The following PDXDC1 variants were observed in gnomAD, a reference collection of about 807,000 sequenced individuals.
PDXDC1 encodes the protein pyridoxal-dependent decarboxylase domain-containing protein 1.
In PDXDC1, 42 loss-of-function variants were observed where a neutral mutation model predicts 100.1. That is an observed-to-expected ratio of 0.42 (90% CI 0.33 to 0.54). The LOEUF is 0.54. Among genes scored for constraint, PDXDC1 ranks in the 20% least tolerant of loss-of-function variants. PDXDC1 has a pLI of 0.10. For missense variants in PDXDC1, 636 were observed against 979.2 expected, an observed-to-expected ratio of 0.65 and a Z score of 4.68; for synonymous variants, 260 against 371.7, an observed-to-expected ratio of 0.70 and a Z score of 3.46.
chr16:15,140,095 CAAAAAA>C (rs372891971), downstream of PDXDC1, among the ~76,000 whole-genome samples: 4 of 43,838 alleles, frequency 9.1e-5, 1 homozygote, highest in East Asian at 1.6e-3. Flanking sequence ...GACTCCATCT[CAAAAAA>C]AAAAAAAAAA....
chr16:14,993,039 C>T (rs1221266808), intron 1 of PDXDC1, among the ~76,000 whole-genome samples: 3 of 152,218 alleles, frequency 2.0e-5, no homozygotes, highest in Admixed American at 1.3e-4. Context: ...ACTATGTTGC[C>T]CAAGCTGATC....
Position 15,036,657 on chromosome 16 carries a change from G to T in PDXDC1, c.*382G>T. 4.3e-6 allele frequency: 1 copy of T among 230,480 alleles called. No individual in the cohort carries two copies. The highest frequency in any genetic ancestry group is 8.6e-6 in the Non-Finnish European group (1 of 116,488). 14.3% of individuals were successfully genotyped at this position (230,480 alleles called of 1,614,324 possible). ...ACAGCTTTTCATTAGCACTCTCCAGGTTCTCTGCAACACTTCACAGAGGCG... is the reference window on the plus strand; with the variant it reads ...ACAGCTTTTCATTAGCACTCTCCAGTTTCTCTGCAACACTTCACAGAGGCG... On this transcript the variant is annotated 3_prime_UTR_variant, in exon 23 of 23. Coordinates refer to ENST00000396410, the MANE Select transcript of PDXDC1 (RefSeq NM_015027.4).
At chr16:15,091,094 C>A (rs533842401) in intron 16 of PDXDC1, among the ~76,000 whole-genome samples, 151 of 152,086 alleles carry the variant, frequency 9.9e-4, no homozygotes, top group Admixed American at 1.8e-3. Flanking sequence ...CCACTAGATG[C>A]CAGTAGCACC....
At chr16:15,016,293 T>C in intron 9 of PDXDC1, 80 bp downstream of exon 9, 1 of 1,558,802 alleles carries the variant, frequency 6.4e-7, no homozygotes, top group East Asian at 2.3e-5. Context: ...GGCTCTCACT[T>C]TGGTGACATT....
chr16:15,006,101 C>T (rs1334570012), intron 5 of PDXDC1, among the ~76,000 whole-genome samples: 3 of 152,294 alleles, frequency 2.0e-5, no homozygotes, highest in African/African-American at 7.2e-5. Context: ...TAAGCCAGAA[C>T]CATGATCTTC....
chr16:15,073,618 C>G (rs1256035878), intron 16 of PDXDC1, among the ~76,000 whole-genome samples: 2 of 152,204 alleles, frequency 1.3e-5, no homozygotes, highest in Non-Finnish European at 2.9e-5. Context: ...GCAAACCCTT[C>G]TGAAGAGCAA....
At chr16:15,011,889 C>G (rs2041329490) in intron 8 of PDXDC1, among the ~76,000 whole-genome samples, 1 of 152,276 alleles carries the variant, frequency 6.6e-6, no homozygotes, top group Admixed American at 6.5e-5. Flanking sequence ...GTCTCAAACT[C>G]CTGACCTCAG....
At chr16:15,130,636 C>A (rs1195877879) in intron 16 of PDXDC1, 3 of 1,346,526 alleles carry the variant, frequency 2.2e-6, no homozygotes, top group Non-Finnish European at 3.2e-6. Flanking sequence ...AGAGCTCACC[C>A]CGGGGAAATG....
chr16:15,077,213 AGGTGATCCACC>A (rs1476662584), intron 16 of PDXDC1, among the ~76,000 whole-genome samples: 1 of 151,914 alleles, frequency 6.6e-6, no homozygotes, highest in Non-Finnish European at 1.5e-5. Flanking sequence ...TCCTGACCTC[AGGTGATCCACC>A]GGCCTCAGCT....
intron 16 of PDXDC1, among the ~76,000 whole-genome samples, chr16:15,072,688 C>G (rs1000454839): frequency 1.3e-5 from 2 of 151,874 alleles, no homozygotes; most frequent in Non-Finnish European, 2.9e-5. Flanking sequence ...TCCCAGCTAT[C>G]GAGAGGGTAA....
At chr16:15,147,211 C>T in the PDXDC1 span, among the ~76,000 whole-genome samples, 1 of 151,994 alleles carries the variant, frequency 6.6e-6, no homozygotes, top group Non-Finnish European at 1.5e-5. Flanking sequence ...CACCTGGGTG[C>T]AGGGCCCCTC....
intron 1 of PDXDC1, among the ~76,000 whole-genome samples, chr16:14,984,490 TA>T (rs1416333266): frequency 4.6e-3 from 431 of 93,766 alleles, no homozygotes; most frequent in African/African-American, 0.013. Flanking sequence ...TATATATATA[TA>T]TATATTTTTT....
chr16:15,020,222 C>T (rs1198804714), intron 12 of PDXDC1, among the ~76,000 whole-genome samples: 1 of 152,028 alleles, frequency 6.6e-6, no homozygotes. Flanking sequence ...ATTTTCTTAC[C>T]TGTGAAATAT....
chr16:15,090,417 G>A (rs1345324201), intron 16 of PDXDC1, among the ~76,000 whole-genome samples: 1 of 152,094 alleles, frequency 6.6e-6, no homozygotes, highest in African/African-American at 2.4e-5. Context: ...TTAGCTCATT[G>A]AATCCTTGTT....
intron 16 of PDXDC1, among the ~76,000 whole-genome samples, chr16:15,062,518 T>C (rs1241555476): frequency 6.6e-6 from 1 of 152,230 alleles, no homozygotes; most frequent in East Asian, 1.9e-4. Flanking sequence ...TACTGGATTC[T>C]AACTTTCCTC....
chr16:15,127,879 C>T (rs1452814614), intron 16 of PDXDC1: 7 of 1,552,992 alleles, frequency 4.5e-6, no homozygotes, highest in South Asian at 1.2e-5. Context: ...GCGCCGGAAG[C>T]GCAACAGGGC....
chr16:15,063,716 A>AG (rs1306601716), intron 16 of PDXDC1, among the ~76,000 whole-genome samples: 5 of 151,026 alleles, frequency 3.3e-5, no homozygotes, highest in South Asian at 2.1e-4. Context: ...AAAAAAAAAA[A>AG]AAAAAAGAAA....
chr16:15,144,573 G>A, the PDXDC1 span, among the ~76,000 whole-genome samples: 5 of 152,254 alleles, frequency 3.3e-5, no homozygotes, highest in African/African-American at 7.2e-5. Context: ...TCTGGGTCCC[G>A]GACACGGGGT....
intron 6 of PDXDC1, among the ~76,000 whole-genome samples, chr16:15,008,251 A>G (rs374921434): frequency 0.016 from 2,454 of 151,616 alleles, 1 homozygote; most frequent in Non-Finnish European, 0.024. Context: ...TTGGAGGCTA[A>G]ACATGAAGAA....
Sources: gnomAD v4.1 joint callset for allele counts (sites outside exome capture counted in the v4.1 genomes callset) on GRCh38, gnomAD v4.1.1 for gene constraint, MANE v1.5 for transcripts, NCBI Gene and HGNC (gene_info 2026-07-23, HGNC 2026-07-21) for gene names.